Variants in KCNIP4 observed in about 807,000 individuals in gnomAD.
KCNIP4 encodes the protein potassium voltage-gated channel interacting protein 4.
A neutral mutation model predicts 34.0 loss-of-function variants in KCNIP4; 12 were observed. The observed-to-expected ratio is 0.35, with a 90% confidence interval of 0.23 to 0.57. The LOEUF is 0.57. Among genes scored for constraint, KCNIP4 ranks in the 20% least tolerant of loss-of-function variants. KCNIP4 has a pLI of 0.83. For synonymous variants in KCNIP4, 124 were observed against 102.2 expected (o/e 1.21, Z -1.29); for missense variants, 238 against 311.7 (o/e 0.76, Z 1.78).
intron 1 of KCNIP4, among the ~76,000 whole-genome samples, chr4:21,435,425 C>T (rs1229870036): frequency 1.3e-5 from 2 of 152,268 alleles, no homozygotes; most frequent in East Asian, 3.9e-4. Context: ...CTAGCAAGAT[C>T]AATCCATGTT....
chr4:21,794,350 T>A (rs1203607906), intron 1 of KCNIP4, among the ~76,000 whole-genome samples: 2 of 152,190 alleles, frequency 1.3e-5, no homozygotes, highest in Non-Finnish European at 2.9e-5. Flanking sequence ...CTTAATTCTA[T>A]CCTGTCAGGG....
intron 1 of KCNIP4, among the ~76,000 whole-genome samples, chr4:21,670,838 A>G (rs1271517099): frequency 6.6e-6 from 1 of 151,960 alleles, no homozygotes; most frequent in African/African-American, 2.4e-5. Context: ...TTGTATTTTT[A>G]GTAGAGACGG....
intron 1 of KCNIP4, among the ~76,000 whole-genome samples, chr4:20,956,590 C>A (rs946115529): frequency 1.3e-5 from 2 of 151,684 alleles, no homozygotes; most frequent in African/African-American, 4.8e-5. Context: ...AGGTGATGTT[C>A]AAAAATGTAC....
intron 1 of KCNIP4, among the ~76,000 whole-genome samples, chr4:20,973,651 A>G (rs1735200104): frequency 6.6e-6 from 1 of 152,114 alleles, no homozygotes; most frequent in Non-Finnish European, 1.5e-5. Flanking sequence ...TAAGCTTAAT[A>G]CTTTCTAGCT....
At chr4:21,054,148 C>G (rs1577605332) in intron 1 of KCNIP4, among the ~76,000 whole-genome samples, 1 of 151,862 alleles carries the variant, frequency 6.6e-6, no homozygotes, top group Non-Finnish European at 1.5e-5. Context: ...TACAGAATAG[C>G]CAACACAATA....
chr4:20,751,862 T>G (rs752134749), intron 4 of KCNIP4, among the ~76,000 whole-genome samples: 17 of 152,126 alleles, frequency 1.1e-4, no homozygotes, highest in Non-Finnish European at 1.3e-4. Flanking sequence ...TTTTAGAAGT[T>G]ACAGCGGCTT....
chr4:21,406,910 T>G (rs1724042964), intron 1 of KCNIP4, among the ~76,000 whole-genome samples: 1 of 152,214 alleles, frequency 6.6e-6, no homozygotes, highest in Admixed American at 6.5e-5. Context: ...CTTTACTGAC[T>G]TTTAGGTTGA....
At chr4:21,738,231 T>C (rs1716145394) in intron 1 of KCNIP4, among the ~76,000 whole-genome samples, 1 of 152,164 alleles carries the variant, frequency 6.6e-6, no homozygotes, top group Non-Finnish European at 1.5e-5. Flanking sequence ...CCTCTTTATA[T>C]AATCTACTTG....
At chr4:21,514,202 A>C (rs2109930225) in intron 1 of KCNIP4, among the ~76,000 whole-genome samples, 1 of 152,304 alleles carries the variant, frequency 6.6e-6, no homozygotes, top group South Asian at 2.1e-4. Flanking sequence ...ATGTAACCTT[A>C]CAAATGAACC....
intron 1 of KCNIP4, among the ~76,000 whole-genome samples, chr4:21,571,170 C>T (rs531875104): frequency 1.4e-4 from 21 of 152,238 alleles, no homozygotes; most frequent in African/African-American, 4.8e-4. Context: ...TACTTCTCCG[C>T]CTTCTCACTT....
chr4:21,292,731 C>T lies in KCNIP4; in HGVS notation c.62-410022G>A, dbSNP rs185788370. ...ACTAACTAAGAAGAAAGCAGTTGGACACAATATCTCTCAACTTCCCATTAT... is the reference window on the plus strand; with the variant it reads ...ACTAACTAAGAAGAAAGCAGTTGGATACAATATCTCTCAACTTCCCATTAT... On this transcript the variant is annotated intron_variant, in intron 1 of 8. Coordinates refer to ENST00000382152, the MANE Select transcript of KCNIP4 (RefSeq NM_025221.6). Among the ~76,000 whole-genome samples the T allele has an allele frequency of 2.6e-5, 4 of 152,268 alleles. No homozygotes were observed. The East Asian group carries it at 7.7e-4, about 29-fold the overall frequency.
At chr4:20,928,769 TTGCA>T (rs1553916956) in intron 1 of KCNIP4, among the ~76,000 whole-genome samples, 1 of 151,826 alleles carries the variant, frequency 6.6e-6, no homozygotes, top group Non-Finnish European at 1.5e-5. Context: ...AGTAGAAATA[TTGCA>T]ATGGAAACTT....
chr4:20,978,982 A>G (rs2149687955), intron 1 of KCNIP4, among the ~76,000 whole-genome samples: 1 of 152,286 alleles, frequency 6.6e-6, no homozygotes, highest in South Asian at 2.1e-4. Flanking sequence ...TAATGAATAT[A>G]TGACAATTCA....
intron 1 of KCNIP4, among the ~76,000 whole-genome samples, chr4:21,824,354 C>T (rs1386070808): frequency 2.0e-5 from 3 of 152,094 alleles, no homozygotes; most frequent in Admixed American, 2.0e-4. Context: ...GTCATGCAGC[C>T]AGAGGCCGCA....
intron 1 of KCNIP4, among the ~76,000 whole-genome samples, chr4:21,549,948 A>G (rs1208174146): frequency 6.6e-6 from 1 of 152,132 alleles, no homozygotes; most frequent in Non-Finnish European, 1.5e-5. Flanking sequence ...TGTAAATTGT[A>G]GACAAATCTA....
At chr4:20,878,702 T>C (rs951059416) in intron 2 of KCNIP4, among the ~76,000 whole-genome samples, 6 of 152,144 alleles carry the variant, frequency 3.9e-5, no homozygotes, top group African/African-American at 1.2e-4. Flanking sequence ...AGGTGGAGAA[T>C]TTATGTAAAT....
intron 1 of KCNIP4, among the ~76,000 whole-genome samples, chr4:21,400,550 C>A (rs1723450026): frequency 9.8e-6 from 1 of 102,268 alleles, no homozygotes; most frequent in African/African-American, 4.3e-5. Flanking sequence ...CTTCTCTTCT[C>A]TTCTCTTCTC....
At chr4:21,909,904 G>A (rs1728207117) in intron 1 of KCNIP4, among the ~76,000 whole-genome samples, 1 of 151,982 alleles carries the variant, frequency 6.6e-6, no homozygotes, top group Non-Finnish European at 1.5e-5. Context: ...ATAGTATGGG[G>A]GAAACTGCCC....
chr4:21,379,937 G>C (rs150007735), intron 1 of KCNIP4, among the ~76,000 whole-genome samples: 1 of 120,682 alleles, frequency 8.3e-6, no homozygotes, highest in Non-Finnish European at 1.6e-5. Flanking sequence ...GGTCTTCATT[G>C]CACCCTAGTA....
Sources: gnomAD v4.1 joint callset for allele counts (sites outside exome capture counted in the v4.1 genomes callset) on GRCh38, gnomAD v4.1.1 for gene constraint, MANE v1.5 for transcripts, NCBI Gene and HGNC (gene_info 2026-07-23, HGNC 2026-07-21) for gene names.